Variants in NUDCD3 observed in about 807,000 individuals in gnomAD.
NUDCD3 encodes NudC domain containing 3.
NUDCD3 carries 13 observed loss-of-function variants against 39.7 expected under a neutral mutation model. The ratio of observed to expected loss-of-function variants is 0.33; its 90% CI spans 0.21 to 0.52. NUDCD3 has a LOEUF of 0.52. NUDCD3 is among the 20% of genes least tolerant of loss of function. The pLI is 0.96. For synonymous variants in NUDCD3, 175 were observed against 172.4 expected (o/e 1.02, Z -0.12); for missense variants, 453 against 458.1 (o/e 0.99, Z 0.10).
chr7:44,465,135 T>C (rs1379810314), intron 2 of NUDCD3, among the ~76,000 whole-genome samples: 1 of 152,222 alleles, frequency 6.6e-6, no homozygotes, highest in Non-Finnish European at 1.5e-5. Context: ...CCCCAGGACA[T>C]TTCCAGAGAG....
At chr7:44,463,070 C>A (rs1800048986) in intron 2 of NUDCD3, among the ~76,000 whole-genome samples, 3 of 151,964 alleles carry the variant, frequency 2.0e-5, no homozygotes. Flanking sequence ...GCTGCTGGCA[C>A]TGAATATATG....
At chr7:44,386,930 G>A (rs1798412792) in intron 5 of NUDCD3, among the ~76,000 whole-genome samples, 1 of 152,112 alleles carries the variant, frequency 6.6e-6, no homozygotes, top group South Asian at 2.1e-4. Context: ...TCCTCACCTG[G>A]CCACCATGAG....
At position 44,401,199 on chromosome 7, in the gene NUDCD3, C is replaced by G. The variant is rs114295592; in HGVS notation, c.786+3241G>C. Among the ~76,000 whole-genome samples the G allele has an allele frequency of 6.6e-3, 1,012 of 152,312 alleles. 10 individuals carry two copies. The highest frequency in any genetic ancestry group is 0.023 in the African/African-American group (955 of 41,550). ...CCTCTCTGCATCCACACGCTCAAAG[C>G]AGTGTGCCAAGCTCCACACAGCAGA... is the stretch of plus-strand genomic sequence containing the variant. On this transcript the variant is annotated intron_variant, in intron 4 of 5. Coordinates refer to ENST00000355451, the MANE Select transcript of NUDCD3 (RefSeq NM_015332.4).
At chr7:44,481,250 A>G (rs1800485164) in intron 2 of NUDCD3, 1 of 152,226 alleles carries the variant, frequency 6.6e-6, no homozygotes, top group African/African-American at 2.4e-5. Context: ...ACCAAGGGAT[A>G]AGTGTATTTA....
chr7:44,413,453 A>G (rs1390311466), intron 3 of NUDCD3, among the ~76,000 whole-genome samples: 4 of 152,206 alleles, frequency 2.6e-5, no homozygotes, highest in Non-Finnish European at 5.9e-5. Flanking sequence ...GATCTCTCTA[A>G]TATATACAGA....
At chr7:44,476,853 C>T (rs999552971) in intron 2 of NUDCD3, among the ~76,000 whole-genome samples, 3 of 152,158 alleles carry the variant, frequency 2.0e-5, no homozygotes, top group Non-Finnish European at 2.9e-5. Context: ...GCATGGTTAC[C>T]TGCTGGGGAA....
intron 4 of NUDCD3, among the ~76,000 whole-genome samples, chr7:44,399,689 G>T (rs533740357): frequency 2.6e-5 from 4 of 152,112 alleles, no homozygotes; most frequent in Non-Finnish European, 4.4e-5. Flanking sequence ...TAATGTCATC[G>T]GCGACACTCC....
rs568594406 is a variant in NUDCD3 at position 44,428,116 on chromosome 7, C to G, written c.510-413G>C. ...TTTCTTATAAACTGCTTGGCAGGGT[C>G]AATCTTTAAAAAAAAAAAAAAAAAA... On this transcript the variant is annotated intron_variant, in intron 2 of 5. Coordinates refer to ENST00000355451, the MANE Select transcript of NUDCD3 (RefSeq NM_015332.4). 1.3e-3 allele frequency among the ~76,000 whole-genome samples: 132 copies of G among 98,170 alleles called. 1 individual carries two copies. Among genetic ancestry groups the G allele is most frequent in the Middle Eastern group, 6.4e-3 (1 of 156 alleles). The allele number at this position is 98,170 out of a possible 152,430, so 64.4% of individuals were successfully genotyped here.
chr7:44,490,618 G>A lies in NUDCD3; in HGVS notation c.-18C>T. ...GTCTCCATGTCGCCTCCCGCCCTAG[G>A]TACGCTTCACACACACAGCGCCGCC... On this transcript the variant is annotated 5_prime_UTR_variant, in exon 1 of 6. Transcript: ENST00000355451. 1 of 1,590,398 alleles carries A rather than the reference G, an allele frequency of 6.3e-7. No individual in the cohort carries two copies. Among genetic ancestry groups the A allele is most frequent in the South Asian group, 1.1e-5 (1 of 87,794 alleles).
At chr7:44,395,149 G>A (rs1204924644) in intron 4 of NUDCD3, among the ~76,000 whole-genome samples, 2 of 152,152 alleles carry the variant, frequency 1.3e-5, no homozygotes. Flanking sequence ...AATATTCAAG[G>A]TTTTCCAGTA....
At chr7:44,483,364 CAAAA>C (rs2116982078) in intron 2 of NUDCD3, among the ~76,000 whole-genome samples, 1 of 152,122 alleles carries the variant, frequency 6.6e-6, no homozygotes, top group African/African-American at 2.4e-5. Flanking sequence ...CTATATCCAG[CAAAA>C]ATATCCTCAG....
intron 2 of NUDCD3, among the ~76,000 whole-genome samples, chr7:44,479,256 G>T (rs1222553271): frequency 6.6e-6 from 1 of 152,158 alleles, no homozygotes; most frequent in Non-Finnish European, 1.5e-5. Flanking sequence ...CTTGACTGTG[G>T]TGGTTACAAG....
In NUDCD3 at chr7:44,467,511, G is replaced by A. The variant is rs189443728; in HGVS notation, c.509+17457C>T. The stretch of plus-strand genomic sequence containing the variant: ...TCCAGGCTGCCAAGTTAGAACCCAA[G>A]CTCCCAGATCAAGGGACAAGTCAGA... On this transcript the variant is annotated intron_variant, in intron 2 of 5. Transcript: ENST00000355451. Among the ~76,000 whole-genome samples, 291 of 152,224 alleles carry A rather than the reference G, an allele frequency of 1.9e-3. 1 individual carries two copies. The highest frequency in any genetic ancestry group is 2.3e-3 in the Non-Finnish European group (155 of 68,020).
At chr7:44,446,708 C>T in intron 2 of NUDCD3, among the ~76,000 whole-genome samples, 1 of 152,154 alleles carries the variant, frequency 6.6e-6, no homozygotes, top group East Asian at 1.9e-4. Flanking sequence ...TCACTTCAAG[C>T]CATAATAGTC....
intron 2 of NUDCD3, chr7:44,481,536 T>C (rs1263113536): frequency 2.0e-5 from 3 of 152,230 alleles, no homozygotes; most frequent in Non-Finnish European, 2.9e-5. Flanking sequence ...TTGACAGCCA[T>C]GCCAAGATGA....
At chr7:44,442,153 CATT>C (rs1163355946) in intron 2 of NUDCD3, among the ~76,000 whole-genome samples, 3 of 152,178 alleles carry the variant, frequency 2.0e-5, no homozygotes, top group African/African-American at 7.2e-5. Flanking sequence ...CTGTCACCAT[CATT>C]AATATTTTTA....
intron 4 of NUDCD3, among the ~76,000 whole-genome samples, chr7:44,403,344 T>C (rs1204040625): frequency 1.3e-5 from 2 of 152,202 alleles, no homozygotes; most frequent in African/African-American, 4.8e-5. Context: ...TAGGAGGCCC[T>C]GCTTAGGATG....
intron 5 of NUDCD3, among the ~76,000 whole-genome samples, chr7:44,391,177 A>ACC (rs1314025323): frequency 6.6e-6 from 1 of 152,106 alleles, no homozygotes; most frequent in Non-Finnish European, 1.5e-5. Context: ...CAAAAAACAA[A>ACC]CAAACTGTAT....
At position 44,383,204 on chromosome 7, in the gene NUDCD3, C is replaced by T. The variant is rs1346007798; in HGVS notation, c.*2807G>A. The T allele has an allele frequency of 3.9e-5, 6 of 152,256 alleles. No individual in the cohort carries two copies. Among genetic ancestry groups the T allele is most frequent in the Admixed American group, 3.9e-4 (6 of 15,288 alleles). The allele number at this position is 152,256 out of a possible 1,614,324, so 9.4% of individuals were successfully genotyped here. On this transcript the variant is annotated 3_prime_UTR_variant, in exon 6 of 6. Coordinates refer to ENST00000355451, the MANE Select transcript of NUDCD3 (RefSeq NM_015332.4). Reference sequence around the variant, plus strand: ...GAGGAAGCCCATTGCGAGGGCTCAGCAAAGTTAACAGCAGGTATGCACCTG... The same window carrying T: ...GAGGAAGCCCATTGCGAGGGCTCAGTAAAGTTAACAGCAGGTATGCACCTG...
Sources: gnomAD v4.1 joint callset for allele counts (sites outside exome capture counted in the v4.1 genomes callset) on GRCh38, gnomAD v4.1.1 for gene constraint, MANE v1.5 for transcripts, NCBI Gene and HGNC (gene_info 2026-07-23, HGNC 2026-07-21) for gene names.